CFAP92: variants seen among roughly 807,000 people sequenced by gnomAD.
CFAP92 encodes the protein uncharacterized protein CFAP92.
Under a neutral mutation model 106.3 loss-of-function variants are expected in CFAP92, and 86 were observed. The ratio of observed to expected loss-of-function variants is 0.81; its 90% CI spans 0.68 to 0.97. CFAP92 has a LOEUF of 0.97. Among genes scored for constraint, CFAP92 ranks in the 50% least tolerant of loss-of-function variants. CFAP92 has a pLI of 0.00. For missense variants in CFAP92, 1,204 were observed against 1,283.8 expected (o/e 0.94, Z 0.95); for synonymous variants, 477 against 506.4 (o/e 0.94, Z 0.78).
chr3:129,021,626 T>G, the CFAP92 span, among the ~76,000 whole-genome samples: 20 of 151,226 alleles, frequency 1.3e-4, no homozygotes, highest in Non-Finnish European at 2.4e-4. Flanking sequence ...GCTTGTACTG[T>G]GAGTCTGCGC....
chr3:128,928,729 A>G (rs1038842294), intron 12 of CFAP92, among the ~76,000 whole-genome samples: 2 of 152,224 alleles, frequency 1.3e-5, no homozygotes, highest in East Asian at 1.9e-4. Flanking sequence ...CGTAACTTTA[A>G]GCAGAGTCCT....
intron 15 of CFAP92, chr3:128,910,711 G>T: frequency 6.2e-7 from 1 of 1,613,140 alleles, no homozygotes; most frequent in East Asian, 2.2e-5. Context: ...AGGAATTTGG[G>T]CATATCTTTT....
chr3:129,017,148 C>T, the CFAP92 span, among the ~76,000 whole-genome samples: 1 of 152,216 alleles, frequency 6.6e-6, no homozygotes. Flanking sequence ...TCTCTTTGGC[C>T]AGAATTGCAT....
At chr3:128,992,991 G>C (rs1004435298) in intron 2 of CFAP92, 52 bp downstream of exon 2, 39 of 1,602,180 alleles carry the variant, frequency 2.4e-5, no homozygotes, top group African/African-American at 5.4e-5. Flanking sequence ...CCTGCAGAAA[G>C]TCATGCACCT....
intron 4 of CFAP92, among the ~76,000 whole-genome samples, chr3:128,983,305 T>A (rs1172931424): frequency 1.3e-5 from 2 of 152,152 alleles, no homozygotes; most frequent in African/African-American, 4.8e-5. Context: ...AGCAGCCTCC[T>A]CCAAATGCGA....
Position 128,988,820 on chromosome 3 carries a change from A to G in CFAP92, c.361T>C (p.Tyr121His). ...TKMRRFYHIEYFLLPDDEEPK... is the reference protein window; with the variant it reads ...TKMRRFYHIEHFLLPDDEEPK... ...TCTTCATCGTCCGGCAGAAGGAAAT[A>G]CTCAATGTGGTAAAAACGACGCATC... Residue 121 changes from tyrosine to histidine, a missense_variant, in exon 3 of 16, where the codon TAT becomes CAT. By Grantham distance (83) the Tyr-to-His change is moderately conservative. Transcript: ENST00000645291. 6.2e-7 allele frequency: 1 copy of G among 1,613,730 alleles called. No homozygotes were observed. Among genetic ancestry groups the G allele is most frequent in the Non-Finnish European group, 8.5e-7 (1 of 1,179,842 alleles).
intron 12 of CFAP92, among the ~76,000 whole-genome samples, chr3:128,924,178 T>C (rs995606058): frequency 3.3e-5 from 5 of 152,142 alleles, no homozygotes; most frequent in African/African-American, 4.8e-5. Context: ...ATGTCTGATA[T>C]AATGTAAAAG....
intron 9 of CFAP92, among the ~76,000 whole-genome samples, chr3:128,959,071 G>A (rs865955930): frequency 9.2e-5 from 14 of 152,198 alleles, no homozygotes; most frequent in Admixed American, 2.0e-4. Flanking sequence ...TTAGCCGGGC[G>A]TGGTGGCAAA....
intron 12 of CFAP92, among the ~76,000 whole-genome samples, chr3:128,917,155 C>G (rs979761735): frequency 2.6e-5 from 4 of 152,156 alleles, no homozygotes; most frequent in Non-Finnish European, 5.9e-5. Flanking sequence ...GGAGCACCTG[C>G]GAGAAGATTA....
chr3:129,004,084 G>C (rs1445156042), upstream of CFAP92: 1 of 1,487,730 alleles, frequency 6.7e-7, no homozygotes, highest in Non-Finnish European at 8.9e-7. Context: ...ACAGGTGAGC[G>C]GGGGCGCGTG....
intron 1 of CFAP92, chr3:129,002,384 T>C: frequency 6.8e-7 from 1 of 1,477,996 alleles, no homozygotes; most frequent in Non-Finnish European, 8.9e-7. Flanking sequence ...AACTAAAAGC[T>C]GGCTGGCTGC....
At chr3:129,004,027 C>T (rs534655542), upstream of CFAP92, 724 of 1,510,254 alleles carry the variant, frequency 4.8e-4, no homozygotes, top group African/African-American at 1.6e-3. Flanking sequence ...AACAGGTGCC[C>T]GGCTTGCAGC....
At chr3:128,943,914 T>TCCC (rs56857847) in intron 10 of CFAP92, among the ~76,000 whole-genome samples, 71,449 of 136,766 alleles carry the variant, frequency 0.52, 20,200 homozygotes, top group African/African-American at 0.72. Flanking sequence ...TTGGGTTATT[T>TCCC]CCCCCGTTTT....
At chr3:128,968,504 T>C (rs1373755017) in intron 8 of CFAP92, 1 of 152,232 alleles carries the variant, frequency 6.6e-6, no homozygotes, top group Admixed American at 6.5e-5. Context: ...TCGATGACCA[T>C]AGGCTATGTC....
upstream of CFAP92, chr3:129,004,165 G>T: frequency 1.5e-6 from 2 of 1,333,746 alleles, no homozygotes; most frequent in Non-Finnish European, 1.9e-6. Context: ...CCTCCCACGC[G>T]CTCTCGTGTT....
chr3:128,936,648 C>T (rs1361661688), intron 10 of CFAP92, among the ~76,000 whole-genome samples: 1 of 152,170 alleles, frequency 6.6e-6, no homozygotes, highest in Non-Finnish European at 1.5e-5. Flanking sequence ...GACTCCAAGA[C>T]TACTTTTACT....
At chr3:128,983,348 G>A (rs771849723) in intron 4 of CFAP92, among the ~76,000 whole-genome samples, 8 of 152,142 alleles carry the variant, frequency 5.3e-5, no homozygotes, top group South Asian at 2.1e-4. Context: ...TGCCCCACTC[G>A]CTCCTAGAAT....
upstream of CFAP92, among the ~76,000 whole-genome samples, chr3:129,005,547 A>C (rs893063798): frequency 1.3e-5 from 2 of 152,258 alleles, no homozygotes; most frequent in Non-Finnish European, 2.9e-5. Context: ...AGATTTCAAT[A>C]AAAAGTTACC....
intron 11 of CFAP92, 83 bp downstream of exon 11, chr3:128,935,042 C>A (rs1382826024): frequency 2.6e-6 from 3 of 1,158,936 alleles, no homozygotes; most frequent in Non-Finnish European, 3.5e-6. Flanking sequence ...TTGGATGCCC[C>A]AGCTTGCCTG....
Sources: gnomAD v4.1 joint callset for allele counts (sites outside exome capture counted in the v4.1 genomes callset) on GRCh38, gnomAD v4.1.1 for gene constraint, MANE v1.5 for transcripts, NCBI Gene and HGNC (gene_info 2026-07-23, HGNC 2026-07-21) for gene names.